Variants in DOK6 observed in about 807,000 individuals in gnomAD.
DOK6 encodes docking protein 6, also known as downstream of tyrosine kinase 6.
In DOK6, 22 loss-of-function variants were observed where a neutral mutation model predicts 44.0. The observed-to-expected ratio is 0.50, with a 90% CI of 0.36 to 0.71. DOK6 has a LOEUF of 0.71. Ranked by LOEUF, DOK6 falls within the 30% of genes least tolerant of loss-of-function variation. The pLI, the probability that DOK6 is intolerant of heterozygous loss-of-function variation, is 0.00. For synonymous variants in DOK6, 166 were observed against 145.5 expected (o/e 1.14, Z -1.01); for missense variants, 340 against 416.4 (o/e 0.82, Z 1.60).
rs1273267220 is a variant in DOK6, at chr18:69,490,743, G to C, written c.67-73744G>C. Among the ~76,000 whole-genome samples the C allele has an allele frequency of 3.3e-5, 5 of 152,184 alleles. No homozygotes were observed. The East Asian group carries it at 9.7e-4, about 29-fold the overall frequency. ...AATATAACTGATTCTATTTAGTTTT[G>C]TTTCTTTTAATTGAATAAAAACATT... On this transcript the variant is annotated intron_variant, in intron 1 of 7. Transcript: ENST00000382713.
chr18:69,693,425 G>A (rs1986313327), intron 4 of DOK6, among the ~76,000 whole-genome samples: 1 of 151,674 alleles, frequency 6.6e-6, no homozygotes, highest in Non-Finnish European at 1.5e-5. Flanking sequence ...TGCACTGAAT[G>A]TTCACCATGT....
intron 2 of DOK6, among the ~76,000 whole-genome samples, chr18:69,586,098 A>G (rs949772645): frequency 6.6e-6 from 1 of 152,218 alleles, no homozygotes; most frequent in African/African-American, 2.4e-5. Flanking sequence ...TGTGCAGTAA[A>G]CAGGGAACTT....
At chr18:69,661,505 T>C (rs1256570331) in intron 3 of DOK6, 3 of 152,186 alleles carry the variant, frequency 2.0e-5, no homozygotes, top group African/African-American at 4.8e-5. Flanking sequence ...AGATAGGAAA[T>C]TGAAATTCAG....
chr18:69,462,620 A>G (rs144487750), intron 1 of DOK6, among the ~76,000 whole-genome samples: 236 of 152,276 alleles, frequency 1.5e-3, no homozygotes, highest in African/African-American at 5.1e-3. Context: ...TTTGGTCTTT[A>G]TTTTTATTAA....
At chr18:69,771,680 A>T (rs1979891055) in intron 7 of DOK6, among the ~76,000 whole-genome samples, 1 of 152,016 alleles carries the variant, frequency 6.6e-6, no homozygotes, top group African/African-American at 2.4e-5. Context: ...TTAAAAAGGC[A>T]CATAGCTAAC....
At chr18:69,528,146 G>C (rs905055018) in intron 1 of DOK6, among the ~76,000 whole-genome samples, 10 of 137,600 alleles carry the variant, frequency 7.3e-5, no homozygotes, top group East Asian at 6.2e-4. Context: ...CTGGGTGACA[G>C]AGCGAGACTC....
chr18:69,545,896 C>T (rs1314887841), intron 1 of DOK6, among the ~76,000 whole-genome samples: 1 of 151,160 alleles, frequency 6.6e-6, no homozygotes, highest in African/African-American at 2.4e-5. Context: ...GAAACTAAAC[C>T]TAGAATTTTA....
At chr18:69,408,429 C>T (rs1249390534) in intron 1 of DOK6, among the ~76,000 whole-genome samples, 1 of 132,700 alleles carries the variant, frequency 7.5e-6, no homozygotes, top group Non-Finnish European at 1.6e-5. Flanking sequence ...AATTCACTAA[C>T]CTCTCCTTTC....
intron 6 of DOK6, among the ~76,000 whole-genome samples, chr18:69,753,819 T>G (rs983099801): frequency 1.9e-5 from 2 of 102,856 alleles, no homozygotes; most frequent in African/African-American, 5.3e-5. Flanking sequence ...TATCGCTGTT[T>G]GAGACTTTTT....
chr18:69,653,843 T>TATAATGTTTCAAAC (rs933949930), intron 3 of DOK6, among the ~76,000 whole-genome samples: 1 of 115,632 alleles, frequency 8.6e-6, no homozygotes, highest in African/African-American at 3.2e-5. Flanking sequence ...AAATTATCCC[T>TATAATGTTTCAAAC]ATAATGTTTC....
At chr18:69,765,815 A>C (rs1444178993) in intron 7 of DOK6, among the ~76,000 whole-genome samples, 2 of 152,172 alleles carry the variant, frequency 1.3e-5, no homozygotes, top group African/African-American at 4.8e-5. Flanking sequence ...TTATTGCTTG[A>C]TATCTAAAAG....
chr18:69,692,800 ATACT>A (rs1228566626), intron 4 of DOK6, among the ~76,000 whole-genome samples: 2 of 152,238 alleles, frequency 1.3e-5, no homozygotes, highest in Non-Finnish European at 2.9e-5. Flanking sequence ...AAATTATCCA[ATACT>A]TACAGCTATT....
chr18:69,464,563 G>A (rs191800136), intron 1 of DOK6, among the ~76,000 whole-genome samples: 1 of 152,334 alleles, frequency 6.6e-6, no homozygotes, highest in Admixed American at 6.5e-5. Context: ...GGACAGAGAT[G>A]TTCAGTGAAG....
In DOK6 at chr18:69,608,116, C is replaced by A. The variant is rs571560136; in HGVS notation, c.289+8618C>A. Among the ~76,000 whole-genome samples the A allele has an allele frequency of 9.9e-5, 15 of 151,516 alleles. No individual in the cohort carries two copies. The South Asian group carries it at 3.1e-3, about 32-fold the overall frequency. ...GAATAAAACCAAGATTAAAAGGAAC[C>A]CTCAGTTCAAGTTATAAATTTATTT... On this transcript the variant is annotated intron_variant, in intron 3 of 7. Coordinates refer to ENST00000382713, the MANE Select transcript of DOK6 (RefSeq NM_152721.6).
intron 1 of DOK6, among the ~76,000 whole-genome samples, chr18:69,499,554 G>A (rs1465313586): frequency 6.6e-6 from 1 of 152,174 alleles, no homozygotes; most frequent in Admixed American, 6.5e-5. Flanking sequence ...TCTAAAAACA[G>A]TAATTTGGCA....
chr18:69,608,365 T>C (rs560497165), intron 3 of DOK6, among the ~76,000 whole-genome samples: 35 of 152,358 alleles, frequency 2.3e-4, no homozygotes, highest in Non-Finnish European at 4.3e-4. Flanking sequence ...TCAGTCTATA[T>C]GTCTGCCTTC....
At chr18:69,564,621 G>A (rs139324250) in intron 2 of DOK6, 27 bp downstream of exon 2, 10 of 1,547,618 alleles carry the variant, frequency 6.5e-6, no homozygotes, top group Non-Finnish European at 8.9e-6. Flanking sequence ...GGAGTCCCTG[G>A]GGAATAACTG....
chr18:69,670,192 A>G (rs1054030986), intron 3 of DOK6, among the ~76,000 whole-genome samples: 1 of 152,168 alleles, frequency 6.6e-6, no homozygotes, highest in Non-Finnish European at 1.5e-5. Context: ...ATTCAGTTCC[A>G]TGTTCAATGG....
intron 2 of DOK6, among the ~76,000 whole-genome samples, chr18:69,570,885 T>C (rs1983098787): frequency 6.6e-6 from 1 of 152,134 alleles, no homozygotes; most frequent in Admixed American, 6.5e-5. Context: ...TAAAGGTATT[T>C]ATTTCCTTCA....
Sources: gnomAD v4.1 joint callset for allele counts (sites outside exome capture counted in the v4.1 genomes callset) on GRCh38, gnomAD v4.1.1 for gene constraint, MANE v1.5 for transcripts, NCBI Gene and HGNC (gene_info 2026-07-23, HGNC 2026-07-21) for gene names.